SETDB2: variants seen among roughly 807,000 people sequenced by gnomAD.
SETDB2 encodes the protein SET domain bifurcated histone lysine methyltransferase 2, also known as histone-lysine N-methyltransferase SETDB2.
Under a neutral mutation model 82.5 loss-of-function variants are expected in SETDB2, and 56 were observed. That is an observed-to-expected ratio of 0.68 (90% CI 0.55 to 0.85). The LOEUF is 0.85. SETDB2 is among the 40% of genes least tolerant of loss of function. The pLI is 0.00. For missense variants in SETDB2, 677 were observed against 816.4 expected, an observed-to-expected ratio of 0.83 and a Z score of 2.08; for synonymous variants, 272 against 284.9, an observed-to-expected ratio of 0.95 and a Z score of 0.46.
chr13:49,483,572 T>C lies in SETDB2; in HGVS notation c.1482+9T>C, dbSNP rs781092045. 4 of 1,277,558 alleles carry C rather than the reference T, an allele frequency of 3.1e-6. No individual in the cohort carries two copies. The highest frequency in any genetic ancestry group is 4.3e-6 in the Non-Finnish European group (4 of 923,536). The allele number at this position is 1,277,558 out of a possible 1,614,324, so 79.1% of individuals were successfully genotyped here. ...ACAATGGGAAAAAAATGGTAAAAAA[T>C]GCAAAATGTAGTTGGGACCCTTCTT... On this transcript the variant is annotated intron_variant, in intron 10 of 13. Coordinates refer to ENST00000611815, the MANE Select transcript of SETDB2 (RefSeq NM_001160308.3).
chr13:49,470,634 G>T (rs1401591770), intron 5 of SETDB2, among the ~76,000 whole-genome samples: 2 of 152,110 alleles, frequency 1.3e-5, no homozygotes, highest in African/African-American at 4.8e-5. Context: ...GATCACTTGA[G>T]CCCAAAATTT....
intron 6 of SETDB2, among the ~76,000 whole-genome samples, chr13:49,477,249 A>G (rs1050212939): frequency 2.0e-5 from 3 of 152,182 alleles, no homozygotes; most frequent in Admixed American, 6.5e-5. Flanking sequence ...CAGCCTGGGC[A>G]ACATGGCAAA....
chr13:49,476,409 A>G (rs761788743), intron 5 of SETDB2, 67 bp from the exon 6 acceptor site: 1 of 1,065,550 alleles, frequency 9.4e-7, no homozygotes, highest in Admixed American at 2.4e-5. Context: ...GAAAATAATC[A>G]TAGTTTTTTT....
intron 5 of SETDB2, among the ~76,000 whole-genome samples, chr13:49,471,925 TATATATA>T (rs1350040344): frequency 1.3e-4 from 8 of 63,018 alleles, no homozygotes; most frequent in African/African-American, 7.1e-4. Flanking sequence ...TATATATATA[TATATATA>T]TATTTTTTTT....
At chr13:49,483,036 C>CTCTT in intron 9 of SETDB2, 74 bp downstream of exon 9, 1 of 932,480 alleles carries the variant, frequency 1.1e-6, no homozygotes, top group Non-Finnish European at 1.6e-6. Context: ...ATTCCTTCCC[C>CTCTT]TCTTTCTTTT....
intron 6 of SETDB2, among the ~76,000 whole-genome samples, chr13:49,479,115 T>C (rs1958427784): frequency 6.6e-6 from 1 of 152,192 alleles, no homozygotes; most frequent in South Asian, 2.1e-4. Flanking sequence ...CACAATATAT[T>C]GTTTGTAGAT....
chr13:49,494,717 A>G lies in SETDB2; in HGVS notation c.*2868A>G, dbSNP rs1295526640. 1 of 152,154 alleles carries G rather than the reference A, an allele frequency of 6.6e-6. No individual in the cohort carries two copies. Among genetic ancestry groups the G allele is most frequent in the East Asian group, 1.9e-4 (1 of 5,198 alleles). 9.4% of individuals were successfully genotyped at this position (152,154 alleles called of 1,614,324 possible). ...TTTTGCAGACCCCACACTCTTCTGC[A>G]ATTCATTTCATAGTTGTCAAGACTA... is the stretch of plus-strand genomic sequence containing the variant. On this transcript the variant is annotated 3_prime_UTR_variant, in exon 14 of 14. Transcript: ENST00000611815.
chr13:49,485,733 G>T lies in SETDB2; in HGVS notation c.1576+10G>T. 6.2e-7 allele frequency: 1 copy of T among 1,608,924 alleles called. No individual in the cohort carries two copies. Among genetic ancestry groups the T allele is most frequent in the Non-Finnish European group, 8.5e-7 (1 of 1,175,404 alleles). On this transcript the variant is annotated intron_variant, in intron 11 of 13. Coordinates refer to ENST00000611815, the MANE Select transcript of SETDB2 (RefSeq NM_001160308.3). ...ACCAAGGGAGCACAAAGTAGGCTTT[G>T]TTTCTTCTGTGAATGCCTACCTCTT...
At chr13:49,450,146 G>A (rs1037105048) in intron 1 of SETDB2, among the ~76,000 whole-genome samples, 13 of 152,136 alleles carry the variant, frequency 8.5e-5, no homozygotes, top group South Asian at 2.1e-4. Flanking sequence ...AGTTAGTCAC[G>A]GTTTGTCTAG....
intron 4 of SETDB2, among the ~76,000 whole-genome samples, chr13:49,463,785 T>C (rs989535073): frequency 4.6e-5 from 7 of 152,320 alleles, no homozygotes; most frequent in Middle Eastern, 3.4e-3. Flanking sequence ...CAGGAATCTA[T>C]ACACTCATAC....
At chr13:49,473,310 G>A (rs1263340837) in intron 5 of SETDB2, among the ~76,000 whole-genome samples, 7 of 152,042 alleles carry the variant, frequency 4.6e-5, no homozygotes, top group African/African-American at 1.2e-4. Context: ...AGTACTTTGG[G>A]AGGCCAAGGC....
At chr13:49,486,303 CA>C (rs113127035) in intron 11 of SETDB2, among the ~76,000 whole-genome samples, 7 of 147,576 alleles carry the variant, frequency 4.7e-5, no homozygotes, top group Non-Finnish European at 9.0e-5. Flanking sequence ...GACCCTGTCT[CA>C]AAAAAAAAAA....
At chr13:49,465,094 G>A (rs767457245) in intron 4 of SETDB2, among the ~76,000 whole-genome samples, 4 of 151,012 alleles carry the variant, frequency 2.6e-5, no homozygotes, top group Admixed American at 1.3e-4. Flanking sequence ...AAAGTTTCAC[G>A]CTAGCATTTA....
chr13:49,475,922 A>G (rs892858319), intron 5 of SETDB2, among the ~76,000 whole-genome samples: 1 of 152,186 alleles, frequency 6.6e-6, no homozygotes, highest in African/African-American at 2.4e-5. Flanking sequence ...TGTTGAAGGC[A>G]AACAGTATAA....
chr13:49,462,143 C>T (rs1958007663), intron 4 of SETDB2, among the ~76,000 whole-genome samples: 1 of 152,138 alleles, frequency 6.6e-6, no homozygotes, highest in African/African-American at 2.4e-5. Context: ...GTGGAGGTCT[C>T]ATTACATAGG....
At chr13:49,464,532 G>T (rs147516995) in intron 4 of SETDB2, among the ~76,000 whole-genome samples, 1 of 151,746 alleles carries the variant, frequency 6.6e-6, no homozygotes, top group African/African-American at 2.4e-5. Flanking sequence ...CTTTTTTTCC[G>T]TAAAAAGTAA....
At chr13:49,473,485 A>ATGT (rs1054806561) in intron 5 of SETDB2, among the ~76,000 whole-genome samples, 1 of 146,256 alleles carries the variant, frequency 6.8e-6, no homozygotes, top group African/African-American at 2.5e-5. Context: ...CAGGAGGCAG[A>ATGT]TGTTGTGGGG....
At chr13:49,455,706 T>G (rs1957869439) in intron 2 of SETDB2, among the ~76,000 whole-genome samples, 1 of 152,096 alleles carries the variant, frequency 6.6e-6, no homozygotes, top group South Asian at 2.1e-4. Flanking sequence ...TTTGCTCATA[T>G]GCCAAACACT....
At chr13:49,457,415 A>G (rs1957905758) in intron 2 of SETDB2, among the ~76,000 whole-genome samples, 1 of 142,036 alleles carries the variant, frequency 7.0e-6, no homozygotes, top group Non-Finnish European at 1.5e-5. Context: ...ATTTAGTAGC[A>G]TGTATTGGCA....
Sources: gnomAD v4.1 joint callset for allele counts (sites outside exome capture counted in the v4.1 genomes callset) on GRCh38, gnomAD v4.1.1 for gene constraint, MANE v1.5 for transcripts, NCBI Gene and HGNC (gene_info 2026-07-23, HGNC 2026-07-21) for gene names.